FXYD6: variants seen among roughly 807,000 people sequenced by gnomAD.
FXYD6 encodes the protein FXYD domain containing ion transport regulator 6.
A neutral mutation model predicts 16.7 loss-of-function variants in FXYD6; 7 were observed. The observed-to-expected ratio is 0.42, with a 90% CI of 0.24 to 0.79. FXYD6 has a LOEUF of 0.79. Ranked by LOEUF, FXYD6 falls within the 30% of genes least tolerant of loss-of-function variation. FXYD6 has a pLI of 0.28. For missense variants in FXYD6, 111 were observed against 116.2 expected (o/e 0.95, Z 0.21); for synonymous variants, 49 against 43.0 (o/e 1.14, Z -0.54).
At position 117,872,466 on chromosome 11, in the gene FXYD6, G is replaced by C. The variant is rs2057159881; in HGVS notation, c.-6+4126C>G. ...AGGAGAAACCTCAGAAGCCCACAGG[G>C]CCTGCCTGACATATGAGGGGAACAT... is the stretch of plus-strand genomic sequence containing the variant. On this transcript the variant is annotated intron_variant, in intron 1 of 7. Coordinates refer to ENST00000526014, the MANE Select transcript of FXYD6 (RefSeq NM_022003.4). The surrounding 1 kb of genome is among the most constrained non-coding windows in gnomAD (Gnocchi z 4.9). Among the ~76,000 whole-genome samples the C allele has an allele frequency of 6.6e-6, 1 of 152,152 alleles. No homozygotes were observed. The highest frequency in any genetic ancestry group is 2.4e-5 in the African/African-American group (1 of 41,438).
rs79451173 is a variant in FXYD6 at position 117,867,324 on chromosome 11, C to G, written c.-6+9268G>C. Among the ~76,000 whole-genome samples, 875 of 152,322 alleles carry G rather than the reference C, an allele frequency of 5.7e-3. 9 individuals are homozygous for G. The highest frequency in any genetic ancestry group is 0.02 in the African/African-American group (839 of 41,584). ...GGAGGTTACGGCCTCACCAAGTTTC[C>G]GGGGCTTCCTCTCTCCTTCCCCATC... On this transcript the variant is annotated intron_variant, in intron 1 of 7. Transcript: ENST00000526014.
At chr11:117,842,097 C>G in intron 2 of FXYD6, 69 bp from the exon 3 acceptor site, 1 of 1,606,246 alleles carries the variant, frequency 6.2e-7, no homozygotes, top group Non-Finnish European at 8.5e-7. Flanking sequence ...TCTAACCTTG[C>G]CTCACAGACC....
chr11:117,869,533 G>A (rs754175990), intron 1 of FXYD6, among the ~76,000 whole-genome samples: 6 of 152,204 alleles, frequency 3.9e-5, no homozygotes, highest in Non-Finnish European at 5.9e-5. Context: ...AACCCAGCCC[G>A]GCTGCACAGG....
intron 1 of FXYD6, among the ~76,000 whole-genome samples, chr11:117,849,408 A>G (rs80274010): frequency 0.04 from 6,139 of 152,268 alleles, 337 homozygotes; most frequent in African/African-American, 0.13. Flanking sequence ...TTGCTTTATG[A>G]CCTAGTACAT....
intron 1 of FXYD6, among the ~76,000 whole-genome samples, chr11:117,855,550 C>G (rs986778232): frequency 6.6e-6 from 1 of 152,166 alleles, no homozygotes; most frequent in Non-Finnish European, 1.5e-5. Flanking sequence ...ACCACACATT[C>G]CTTTCTCCCT....
At chr11:117,855,162 C>T (rs1200071916) in intron 1 of FXYD6, among the ~76,000 whole-genome samples, 1 of 152,138 alleles carries the variant, frequency 6.6e-6, no homozygotes, top group Non-Finnish European at 1.5e-5. Context: ...CTCTTGAGTG[C>T]CAAGCTAAAG....
At position 117,872,903 on chromosome 11, in the gene FXYD6, C is replaced by T. The variant is rs1051002575; in HGVS notation, c.-6+3689G>A. Among the ~76,000 whole-genome samples, 1 of 152,154 alleles carries T rather than the reference C, an allele frequency of 6.6e-6. No homozygotes were observed. The highest frequency in any genetic ancestry group is 1.5e-5 in the Non-Finnish European group (1 of 68,034). On this transcript the variant is annotated intron_variant, in intron 1 of 7. Coordinates refer to ENST00000526014, the MANE Select transcript of FXYD6 (RefSeq NM_022003.4). The surrounding 1 kb of genome is among the most constrained non-coding windows in gnomAD (Gnocchi z 4.9). The stretch of plus-strand genomic sequence containing the variant: ...GGACGGTGTCAGAGCACTGTGTTCC[C>T]GACCGGCCCCTCTCGTTGCAACTCT...
chr11:117,849,428 T>G (rs2056552275), intron 1 of FXYD6, among the ~76,000 whole-genome samples: 1 of 152,266 alleles, frequency 6.6e-6, no homozygotes. Context: ...TGGTCAGTTA[T>G]TAAAAGAATT....
chr11:117,873,201 C>T (rs2057177852), intron 1 of FXYD6, among the ~76,000 whole-genome samples: 2 of 152,052 alleles, frequency 1.3e-5, no homozygotes, highest in South Asian at 4.2e-4. Context: ...CCAGGGTAAC[C>T]AGAGCCCAGC....
Position 117,873,806 on chromosome 11 carries a change from C to T in FXYD6, c.-6+2786G>A, listed in dbSNP as rs567400092. On this transcript the variant is annotated intron_variant, in intron 1 of 7. Transcript: ENST00000526014. ...AATTTCCAGGGTCTAGGAAACTGCCCTTTCTCCCCCATCTCCTTGCCACAG... is the reference window on the plus strand; with the variant it reads ...AATTTCCAGGGTCTAGGAAACTGCCTTTTCTCCCCCATCTCCTTGCCACAG... Among the ~76,000 whole-genome samples the T allele has an allele frequency of 7.9e-5, 12 of 152,284 alleles. No individual in the cohort carries two copies. The East Asian group carries it at 2.1e-3, about 27-fold the overall frequency.
intron 7 of FXYD6, 45 bp from the exon 8 acceptor site, chr11:117,838,322 T>C (rs1393011720): frequency 1.4e-6 from 1 of 702,320 alleles, no homozygotes; most frequent in Non-Finnish European, 2.6e-6. Context: ...CGGCTGCCTC[T>C]GGTATCCTTA....
In FXYD6 at chr11:117,842,737, G is replaced by A; in HGVS notation, c.40C>T (p.Pro14Ser). 6.4e-7 allele frequency: 1 copy of A among 1,569,584 alleles called. No homozygotes were observed. Residue 14 changes from proline to serine, a missense_variant, in exon 2 of 8, where the codon CCC becomes TCC. Coordinates refer to ENST00000526014, the MANE Select transcript of FXYD6 (RefSeq NM_022003.4). ...TACTTACCACTGGCCAGGACCATGGGGGCCAGCAGGCTGCAGAGGAAGACC... is the reference window on the plus strand; with the variant it reads ...TACTTACCACTGGCCAGGACCATGGAGGCCAGCAGGCTGCAGAGGAAGACC... ...VLVFLCSLLA[P>S]MVLASAAEKE...
At chr11:117,840,022 C>T in intron 6 of FXYD6, 192 bp from the exon 7 acceptor site, 1 of 710,714 alleles carries the variant, frequency 1.4e-6, no homozygotes, top group East Asian at 2.7e-5. Flanking sequence ...TAACCTCTCT[C>T]AGTCCCTCGG....
chr11:117,859,271 C>A lies in FXYD6; in HGVS notation c.-5-16490G>T, dbSNP rs369702839. 3.9e-5 allele frequency among the ~76,000 whole-genome samples: 6 copies of A among 152,234 alleles called. No individual in the cohort carries two copies. In the East Asian group the frequency reaches 1.2e-3, roughly 29 times the overall value. On this transcript the variant is annotated intron_variant, in intron 1 of 7. Transcript: ENST00000526014. ...CCACTGGCGGGCAAATGTGAATCCC[C>A]TGAGGAGGGAGGTCCGGGGTTGGAG... is the stretch of plus-strand genomic sequence containing the variant.
chr11:117,857,619 A>G lies in FXYD6; in HGVS notation c.-5-14838T>C, dbSNP rs145247869. ...AGACGGAGTTTCACCATGTTGGCCA[A>G]GATGGTCTCGATCTCTTGACCTCGT... On this transcript the variant is annotated intron_variant, in intron 1 of 7. Coordinates refer to ENST00000526014, the MANE Select transcript of FXYD6 (RefSeq NM_022003.4). Among the ~76,000 whole-genome samples, 918 of 152,068 alleles carry G rather than the reference A, an allele frequency of 6.0e-3. 6 individuals carry two copies. The highest frequency in any genetic ancestry group is 0.019 in the African/African-American group (795 of 41,482).
intron 1 of FXYD6, among the ~76,000 whole-genome samples, chr11:117,860,612 T>A (rs771827505): frequency 3.9e-5 from 6 of 152,190 alleles, no homozygotes; most frequent in Non-Finnish European, 8.8e-5. Flanking sequence ...TGAAGCTGAT[T>A]AGGCCGAGGG....
chr11:117,838,231 C>G lies in FXYD6; in HGVS notation c.*68G>C. The G allele has an allele frequency of 1.4e-6, 1 of 702,526 alleles. No individual in the cohort carries two copies. The allele number at this position is 702,526 out of a possible 1,614,324, so 43.5% of individuals were successfully genotyped here. A position where few individuals can be genotyped will look rare whatever the true frequency, so the allele number is the denominator to read the frequency against. On this transcript the variant is annotated 3_prime_UTR_variant, in exon 8 of 8. Transcript: ENST00000526014. ...TGAAGTGGCCGGTTTTCTTAAGCATCGACATTTGCATCCAAAGGTTCAAGC... is the reference window on the plus strand; with the variant it reads ...TGAAGTGGCCGGTTTTCTTAAGCATGGACATTTGCATCCAAAGGTTCAAGC...
At chr11:117,843,648 T>C (rs938036683) in intron 1 of FXYD6, 5 of 152,208 alleles carry the variant, frequency 3.3e-5, no homozygotes, top group Admixed American at 2.6e-4. Flanking sequence ...TCAGGTACCC[T>C]TTACGTCCCA....
At chr11:117,876,692 G>C (rs1414634053), upstream of FXYD6, 1 of 151,728 alleles carries the variant, frequency 6.6e-6, no homozygotes, top group Admixed American at 6.6e-5. Flanking sequence ...TGAGGCTTGA[G>C]CTGCTTTCCC....
Sources: gnomAD v4.1 joint callset for allele counts (sites outside exome capture counted in the v4.1 genomes callset) on GRCh38, gnomAD v4.1.1 for gene constraint, Gnocchi (gnomAD v3.1) non-coding constraint, MANE v1.5 for transcripts, NCBI Gene and HGNC (gene_info 2026-07-23, HGNC 2026-07-21) for gene names.